The following PTCSC3 variants were observed in gnomAD, a reference collection of about 807,000 sequenced individuals.
PTCSC3 encodes papillary thyroid carcinoma susceptibility candidate 3.
intron 1 of PTCSC3, among the ~76,000 whole-genome samples, chr14:36,169,146 A>G (rs1882148725): frequency 6.6e-6 from 1 of 152,124 alleles, no homozygotes; most frequent in Non-Finnish European, 1.5e-5. Flanking sequence ...AGATCTTCCA[A>G]ATTTACACAT....
intron 1 of PTCSC3, among the ~76,000 whole-genome samples, chr14:36,168,729 C>T (rs549432160): frequency 6.6e-6 from 1 of 152,126 alleles, no homozygotes; most frequent in African/African-American, 2.4e-5. Flanking sequence ...AATCCTCCCA[C>T]CTCAGCCTCC....
chr14:36,158,723 T>A (rs950046916), intron 2 of PTCSC3, among the ~76,000 whole-genome samples: 2 of 152,176 alleles, frequency 1.3e-5, no homozygotes, highest in African/African-American at 4.8e-5. Context: ...TCGTTTTTGG[T>A]TGTGTCTCTG....
rs566074160 is a variant in PTCSC3, at chr14:36,168,791, A to G, written n.172-6108T>C. On this transcript the variant is annotated intron_variant and non_coding_transcript_variant, in intron 1 of 3. Coordinates refer to ENST00000556013, the Ensembl canonical transcript of PTCSC3. The stretch of plus-strand genomic sequence containing the variant: ...ACACTATGCCTGGCTAACTTAAAAC[A>G]TTTTTTTGTTTAGAGATGGTGATCT... Among the ~76,000 whole-genome samples, 3 of 151,960 alleles carry G rather than the reference A, an allele frequency of 2.0e-5. No individual in the cohort carries two copies. The South Asian group carries it at 6.2e-4, about 32-fold the overall frequency.
intron 3 of PTCSC3, among the ~76,000 whole-genome samples, chr14:36,152,720 C>A (rs181499610): frequency 6.6e-6 from 1 of 151,646 alleles, no homozygotes; most frequent in East Asian, 1.9e-4. Context: ...AAGGTGAAAC[C>A]CTTTCTCTAC....
intron 1 of PTCSC3, chr14:36,165,000 T>C (rs192205989): frequency 2.3e-4 from 35 of 152,290 alleles, no homozygotes; most frequent in African/African-American, 7.7e-4. Context: ...ATATCAAATG[T>C]TAGACCTGGA....
At chr14:36,143,096 T>C (rs1321890923) in intron 3 of PTCSC3, among the ~76,000 whole-genome samples, 3 of 151,488 alleles carry the variant, frequency 2.0e-5, no homozygotes, top group Non-Finnish European at 3.0e-5. Context: ...TTTGCTATTG[T>C]GAATAGTGCC....
chr14:36,161,965 GGC>G (rs1881965441), intron 2 of PTCSC3, among the ~76,000 whole-genome samples: 1 of 152,146 alleles, frequency 6.6e-6, no homozygotes, highest in Non-Finnish European at 1.5e-5. Context: ...AGCTGCGGTG[GGC>G]GTCTCCAAGT....
At chr14:36,148,474 T>C (rs1196674707) in intron 3 of PTCSC3, among the ~76,000 whole-genome samples, 1 of 152,228 alleles carries the variant, frequency 6.6e-6, no homozygotes, top group East Asian at 1.9e-4. Context: ...GGGAACTCCC[T>C]GACCCCTTGG....
chr14:36,137,825 T>A (rs1002625607), intron 3 of PTCSC3, among the ~76,000 whole-genome samples: 9 of 152,294 alleles, frequency 5.9e-5, no homozygotes, highest in Admixed American at 6.5e-5. Context: ...ATATGTGGAA[T>A]TTTAGATGTT....
chr14:36,136,549 G>A (rs190625675), intron 3 of PTCSC3, among the ~76,000 whole-genome samples: 14 of 152,258 alleles, frequency 9.2e-5, no homozygotes, highest in Admixed American at 3.3e-4. Context: ...GGGTTCAGGT[G>A]GGGATGGTTG....
chr14:36,148,055 G>C (rs1312588726), intron 3 of PTCSC3, among the ~76,000 whole-genome samples: 1 of 152,148 alleles, frequency 6.6e-6, no homozygotes, highest in Non-Finnish European at 1.5e-5. Context: ...GAGAACCACT[G>C]CTCTCTTCAA....
chr14:36,154,537 ATTAC>A (rs906267628), intron 2 of PTCSC3, among the ~76,000 whole-genome samples: 4 of 152,206 alleles, frequency 2.6e-5, no homozygotes, highest in Non-Finnish European at 1.5e-5. Flanking sequence ...ATCATTAAAT[ATTAC>A]TTACTATCAC....
intron 3 of PTCSC3, among the ~76,000 whole-genome samples, chr14:36,149,219 T>G (rs1881667778): frequency 6.6e-6 from 1 of 152,204 alleles, no homozygotes; most frequent in African/African-American, 2.4e-5. Flanking sequence ...ATTTTTTAAT[T>G]TTCTTGAAAC....
At chr14:36,171,931 G>T (rs1882201612) in intron 1 of PTCSC3, among the ~76,000 whole-genome samples, 2 of 152,120 alleles carry the variant, frequency 1.3e-5, no homozygotes, top group Admixed American at 1.3e-4. Flanking sequence ...TTTCCCATCT[G>T]CCTTGTTCTT....
chr14:36,159,121 G>A (rs1263710984), intron 2 of PTCSC3, among the ~76,000 whole-genome samples: 1 of 150,554 alleles, frequency 6.6e-6, no homozygotes, highest in Non-Finnish European at 1.5e-5. Flanking sequence ...TTTTTTTATT[G>A]CATCTATTTG....
intron 2 of PTCSC3, among the ~76,000 whole-genome samples, chr14:36,154,581 G>T (rs768534132): frequency 6.6e-6 from 1 of 152,168 alleles, no homozygotes; most frequent in Non-Finnish European, 1.5e-5. Context: ...ATGGGTTGGG[G>T]AGAGGTAAGA....
chr14:36,139,119 TAAA>T (rs370864635), intron 3 of PTCSC3, among the ~76,000 whole-genome samples: 2 of 106,592 alleles, frequency 1.9e-5, no homozygotes, highest in Non-Finnish European at 1.8e-5. Flanking sequence ...ATCTCAAAAA[TAAA>T]AAAAAAAAAA....
chr14:36,168,199 A>G (rs1019777040), intron 1 of PTCSC3, among the ~76,000 whole-genome samples: 1 of 151,884 alleles, frequency 6.6e-6, no homozygotes, highest in African/African-American at 2.4e-5. Context: ...TCGTCAAGCT[A>G]GTTTCATGTG....
intron 2 of PTCSC3, among the ~76,000 whole-genome samples, chr14:36,154,385 C>T (rs1447629741): frequency 6.6e-6 from 1 of 152,126 alleles, no homozygotes; most frequent in Non-Finnish European, 1.5e-5. Flanking sequence ...CAAAATTATG[C>T]ACACATTATC....
Sources: gnomAD v4.1 joint callset for allele counts (sites outside exome capture counted in the v4.1 genomes callset) on GRCh38, gnomAD v4.1.1 for gene constraint, MANE v1.5 for transcripts, NCBI Gene and HGNC (gene_info 2026-07-23, HGNC 2026-07-21) for gene names.